CIB4: variants seen among roughly 807,000 people sequenced by gnomAD.
The protein encoded by CIB4 is calcium and integrin-binding family member 4.
A neutral mutation model predicts 25.8 loss-of-function variants in CIB4; 25 were observed. The ratio of observed to expected loss-of-function variants is 0.97; its 90% confidence interval spans 0.71 to 1.35. The LOEUF (loss-of-function observed/expected upper bound fraction) is 1.35. CIB4 is among the 40% of genes most tolerant of loss of function. The probability of loss-of-function intolerance (pLI) is 0.00; values close to 1 mark genes in which losing one functional copy is unlikely to be tolerated. For synonymous variants in CIB4, 75 were observed against 81.4 expected, an observed-to-expected ratio of 0.92 and a Z score of 0.42; for missense variants, 235 against 228.2, an observed-to-expected ratio of 1.03 and a Z score of -0.19.
intron 2 of CIB4, among the ~76,000 whole-genome samples, chr2:26,634,950 A>G (rs1457954489): frequency 6.6e-6 from 1 of 152,250 alleles, no homozygotes; most frequent in East Asian, 1.9e-4. Context: ...CGCCTGAGAC[A>G]TAGAGGTCTG....
intron 3 of CIB4, among the ~76,000 whole-genome samples, chr2:26,617,448 G>A (rs1392746455): frequency 6.6e-6 from 1 of 152,168 alleles, no homozygotes; most frequent in Non-Finnish European, 1.5e-5. Flanking sequence ...GCTTCTCAGA[G>A]CCTCAGTTTC....
chr2:26,590,789 T>C (rs775439864), intron 4 of CIB4, among the ~76,000 whole-genome samples: 38 of 152,182 alleles, frequency 2.5e-4, no homozygotes, highest in Non-Finnish European at 4.9e-4. Flanking sequence ...ACAGCTGATT[T>C]GCATGAAGGC....
intron 3 of CIB4, among the ~76,000 whole-genome samples, chr2:26,628,180 G>T (rs1219479518): frequency 6.6e-6 from 1 of 152,238 alleles, no homozygotes; most frequent in Non-Finnish European, 1.5e-5. Context: ...AATCTCAGGA[G>T]TGATTTTGGA....
intron 5 of CIB4, among the ~76,000 whole-genome samples, chr2:26,583,354 G>A (rs930440416): frequency 2.6e-5 from 4 of 152,148 alleles, no homozygotes; most frequent in Non-Finnish European, 5.9e-5. Flanking sequence ...TTGCAGGGCC[G>A]TCCTCGTGTT....
chr2:26,596,850 G>A (rs1263496659), intron 3 of CIB4, among the ~76,000 whole-genome samples: 1 of 152,100 alleles, frequency 6.6e-6, no homozygotes, highest in Non-Finnish European at 1.5e-5. Flanking sequence ...TTAGCTCTTG[G>A]AAGAGTTCTT....
intron 3 of CIB4, among the ~76,000 whole-genome samples, chr2:26,596,449 T>C (rs1182225956): frequency 6.6e-6 from 1 of 152,020 alleles, no homozygotes; most frequent in Non-Finnish European, 1.5e-5. Context: ...AGAGTTAAAA[T>C]ATAGTAAAAC....
rs572387365 is a variant in CIB4, at chr2:26,601,846, G to A, written c.187-6529C>T. Among the ~76,000 whole-genome samples, 17 of 152,248 alleles carry A rather than the reference G, an allele frequency of 1.1e-4. No individual in the cohort carries two copies. In the South Asian group the frequency reaches 1.5e-3, roughly 13 times the overall value. On this transcript the variant is annotated intron_variant, in intron 3 of 6. Coordinates refer to ENST00000288861, the MANE Select transcript of CIB4 (RefSeq NM_001029881.3). ...AAGAACCATTGATTAATGAAACAAC[G>A]TGGATGATTCTTCAATGCATTTTGC...
At chr2:26,634,119 G>T (rs1669487011) in intron 2 of CIB4, among the ~76,000 whole-genome samples, 1 of 152,050 alleles carries the variant, frequency 6.6e-6, no homozygotes, top group South Asian at 2.1e-4. Flanking sequence ...CTCATTCAAG[G>T]CCAGGATAGA....
At chr2:26,591,851 A>G (rs1211542309) in intron 4 of CIB4, among the ~76,000 whole-genome samples, 1 of 152,250 alleles carries the variant, frequency 6.6e-6, no homozygotes, top group African/African-American at 2.4e-5. Flanking sequence ...AGAGCCGGCA[A>G]GAAGTCAAGG....
intron 3 of CIB4, among the ~76,000 whole-genome samples, chr2:26,613,598 T>C (rs1669037682): frequency 6.6e-6 from 1 of 152,180 alleles, no homozygotes; most frequent in Non-Finnish European, 1.5e-5. Context: ...CCCTCTGAAG[T>C]AGGCAGGGCT....
At chr2:26,625,165 C>A (rs1443205585) in intron 3 of CIB4, among the ~76,000 whole-genome samples, 1 of 152,106 alleles carries the variant, frequency 6.6e-6, no homozygotes, top group African/African-American at 2.4e-5. Context: ...ACCAGATCAT[C>A]GGTCCAATCT....
chr2:26,588,533 A>G (rs146992564), intron 4 of CIB4, among the ~76,000 whole-genome samples: 35 of 152,056 alleles, frequency 2.3e-4, no homozygotes, highest in Non-Finnish European at 4.3e-4. Flanking sequence ...CCCCCCAAAG[A>G]CTCTGACCAT....
chr2:26,626,293 T>G (rs1669301899), intron 3 of CIB4, among the ~76,000 whole-genome samples: 1 of 151,080 alleles, frequency 6.6e-6, no homozygotes, highest in African/African-American at 2.4e-5. Context: ...CCTAGTTCTC[T>G]AGGTGGGGCA....
chr2:26,598,182 C>T (rs1242295190), intron 3 of CIB4, among the ~76,000 whole-genome samples: 1 of 151,762 alleles, frequency 6.6e-6, no homozygotes, highest in Non-Finnish European at 1.5e-5. Flanking sequence ...TGCCTGCAGT[C>T]CCAGCTACTC....
At chr2:26,604,488 G>C (rs1476546019) in intron 3 of CIB4, among the ~76,000 whole-genome samples, 4 of 152,128 alleles carry the variant, frequency 2.6e-5, no homozygotes, top group Non-Finnish European at 4.4e-5. Flanking sequence ...CAGAAACTAA[G>C]CAAGCCAGAA....
At chr2:26,593,123 G>A (rs981491118) in intron 4 of CIB4, among the ~76,000 whole-genome samples, 4 of 152,126 alleles carry the variant, frequency 2.6e-5, no homozygotes, top group Non-Finnish European at 5.9e-5. Flanking sequence ...TGAGACATCC[G>A]TCTTCTCCCA....
intron 3 of CIB4, among the ~76,000 whole-genome samples, chr2:26,623,812 C>T (rs1182758446): frequency 6.6e-6 from 1 of 152,238 alleles, no homozygotes; most frequent in Non-Finnish European, 1.5e-5. Flanking sequence ...TTCCTTTAGG[C>T]CCTGTTTCCA....
intron 2 of CIB4, among the ~76,000 whole-genome samples, chr2:26,630,350 G>T (rs534135035): frequency 6.6e-6 from 1 of 152,322 alleles, no homozygotes; most frequent in Non-Finnish European, 1.5e-5. Flanking sequence ...TGAGACAGTG[G>T]TGCCCTGGGG....
At chr2:26,591,376 A>G (rs977951572) in intron 4 of CIB4, among the ~76,000 whole-genome samples, 2 of 152,214 alleles carry the variant, frequency 1.3e-5, no homozygotes, top group Admixed American at 6.5e-5. Context: ...GCCTGTGGGC[A>G]CAGAGGCATA....
Sources: gnomAD v4.1 joint callset for allele counts (sites outside exome capture counted in the v4.1 genomes callset) on GRCh38, gnomAD v4.1.1 for gene constraint, MANE v1.5 for transcripts, NCBI Gene and HGNC (gene_info 2026-07-23, HGNC 2026-07-21) for gene names.